LMBR1: variants seen among roughly 807,000 people sequenced by gnomAD.
LMBR1 encodes the protein limb region 1 protein homolog.
In LMBR1, 52 loss-of-function variants were observed where a neutral mutation model predicts 73.9. The observed-to-expected ratio is 0.70, with a 90% CI of 0.56 to 0.89. The LOEUF (loss-of-function observed/expected upper bound fraction) is 0.89, where lower values mean the gene tolerates loss of function less well. LMBR1 is among the 40% of genes least tolerant of loss of function. The pLI is 0.00. For missense variants in LMBR1, 539 were observed against 579.8 expected, an observed-to-expected ratio of 0.93 and a Z score of 0.72; for synonymous variants, 215 against 209.4, an observed-to-expected ratio of 1.03 and a Z score of -0.23.
rs1266507993 is a variant in LMBR1 at position 156,770,545 on chromosome 7, T to C, written c.424-6750A>G. Among the ~76,000 whole-genome samples, 7 of 151,588 alleles carry C rather than the reference T, an allele frequency of 4.6e-5. 1 individual carries two copies. Among genetic ancestry groups the C allele is most frequent in the Admixed American group, 3.3e-4 (5 of 15,206 alleles). Reference sequence around the variant, plus strand: ...ATGAGTTTTATTATGAAAGAAAAAATAAAAATAAAAATGAAGCACTCAACT... The same window carrying C: ...ATGAGTTTTATTATGAAAGAAAAAACAAAAATAAAAATGAAGCACTCAACT... On this transcript the variant is annotated intron_variant, in intron 5 of 16. Transcript: ENST00000353442.
intron 5 of LMBR1, among the ~76,000 whole-genome samples, chr7:156,795,429 T>C (rs1428113640): frequency 2.0e-5 from 3 of 152,248 alleles, no homozygotes; most frequent in African/African-American, 7.2e-5. Context: ...ACTTAAGGAA[T>C]TGGTTAATAA....
At chr7:156,862,402 G>T (rs553312221) in intron 1 of LMBR1, among the ~76,000 whole-genome samples, 1 of 151,992 alleles carries the variant, frequency 6.6e-6, no homozygotes, top group South Asian at 2.1e-4. Context: ...TACAATTCAA[G>T]ATGAGATTTG....
At chr7:156,880,625 G>C (rs1181844057) in intron 1 of LMBR1, among the ~76,000 whole-genome samples, 1 of 152,034 alleles carries the variant, frequency 6.6e-6, no homozygotes, top group Non-Finnish European at 1.5e-5. Flanking sequence ...GCAATTTACA[G>C]ACTCAATGCA....
At chr7:156,854,495 G>T (rs948122389) in intron 1 of LMBR1, among the ~76,000 whole-genome samples, 12 of 152,130 alleles carry the variant, frequency 7.9e-5, no homozygotes, top group Non-Finnish European at 1.5e-4. Flanking sequence ...AAAGGAAAAC[G>T]TAAACATTCT....
intron 7 of LMBR1, 55 bp from the exon 8 acceptor site, chr7:156,762,253 A>G (rs2132906500): frequency 9.2e-7 from 1 of 1,089,774 alleles, no homozygotes; most frequent in Admixed American, 1.8e-5. Flanking sequence ...GCTTGGAGAA[A>G]GAGATAAACA....
intron 9 of LMBR1, among the ~76,000 whole-genome samples, chr7:156,740,221 T>A (rs150128423): frequency 0.011 from 1,622 of 151,628 alleles, 11 homozygotes; most frequent in Middle Eastern, 0.061. Flanking sequence ...GAAAAAAGAA[T>A]CAAAAAGAAT....
At chr7:156,772,646 G>A (rs934318030) in intron 5 of LMBR1, among the ~76,000 whole-genome samples, 1 of 151,992 alleles carries the variant, frequency 6.6e-6, no homozygotes, top group Non-Finnish European at 1.5e-5. Flanking sequence ...TCAGGCATTT[G>A]AGACCAGCCT....
rs988543148 is a variant in LMBR1, at chr7:156,855,014, G to A, written c.67-18129C>T. On this transcript the variant is annotated intron_variant, in intron 1 of 16. Transcript: ENST00000353442. ...TACCTCAATCCCTTTTATCTACATC[G>A]TATCCGGCTTCCCACAAAATACGAA... Among the ~76,000 whole-genome samples, 9 of 152,148 alleles carry A rather than the reference G, an allele frequency of 5.9e-5. No individual in the cohort carries two copies. In the East Asian group the frequency reaches 7.7e-4, roughly 13 times the overall value.
chr7:156,860,238 T>A (rs1322237976), intron 1 of LMBR1, among the ~76,000 whole-genome samples: 1 of 152,210 alleles, frequency 6.6e-6, no homozygotes, highest in African/African-American at 2.4e-5. Context: ...TGGGGAGGCC[T>A]CACAATCATG....
rs568911616 is a variant in LMBR1 at position 156,670,140 on chromosome 7, A to G, written n.867-853T>C. Among the ~76,000 whole-genome samples the G allele has an allele frequency of 1.3e-5, 2 of 152,302 alleles. No homozygotes were observed. The highest frequency in any genetic ancestry group is 4.1e-4 in the South Asian group (2 of 4,820). On this transcript the variant is annotated intron_variant and non_coding_transcript_variant, in intron 4 of 4. Transcript: ENST00000430825. The surrounding 1 kb of genome is among the most constrained non-coding windows in gnomAD (Gnocchi z 4.3). ...CACCAGAATGTCAGTTTTAAGTGCA[A>G]ATATTAGAGCATTTAAGTCATACGT...
At chr7:156,735,293 T>C (rs901524910) in intron 9 of LMBR1, among the ~76,000 whole-genome samples, 2 of 152,204 alleles carry the variant, frequency 1.3e-5, no homozygotes, top group Non-Finnish European at 2.9e-5. Context: ...CACTGGATGT[T>C]ATAACTCTTG....
intron 3 of LMBR1, among the ~76,000 whole-genome samples, chr7:156,830,329 G>T (rs1037599140): frequency 6.6e-6 from 1 of 151,904 alleles, no homozygotes; most frequent in Admixed American, 6.6e-5. Flanking sequence ...TATTTCATGG[G>T]TTAGTATTTC....
intron 9 of LMBR1, among the ~76,000 whole-genome samples, chr7:156,755,362 G>C (rs771235024): frequency 2.0e-5 from 3 of 152,146 alleles, no homozygotes; most frequent in Non-Finnish European, 4.4e-5. Flanking sequence ...GTTTTGTTTT[G>C]ATTAAAGTCA....
chr7:156,790,972 A>G (rs1459491879), intron 5 of LMBR1, among the ~76,000 whole-genome samples: 1 of 152,202 alleles, frequency 6.6e-6, no homozygotes, highest in Non-Finnish European at 1.5e-5. Context: ...TATTTTCAAA[A>G]TAATCATTCT....
intron 15 of LMBR1, among the ~76,000 whole-genome samples, chr7:156,715,726 C>T (rs1203803786): frequency 6.6e-6 from 1 of 152,164 alleles, no homozygotes; most frequent in African/African-American, 2.4e-5. Flanking sequence ...TAAAGAGGTG[C>T]CTTTTTGAGA....
intron 1 of LMBR1, among the ~76,000 whole-genome samples, chr7:156,853,678 C>CA (rs1796551279): frequency 6.6e-6 from 1 of 152,100 alleles, no homozygotes; most frequent in Non-Finnish European, 1.5e-5. Context: ...TTTTTTGAGA[C>CA]AAAGTGTCAT....
At chr7:156,676,903 G>A (rs1804163691), downstream of LMBR1, 1 of 449,794 alleles carries the variant, frequency 2.2e-6, no homozygotes, top group Non-Finnish European at 4.0e-6. Flanking sequence ...AGCAAAAAAT[G>A]AGAGCTTGCT....
intron 1 of LMBR1, among the ~76,000 whole-genome samples, chr7:156,868,367 G>A (rs1266141006): frequency 3.3e-5 from 5 of 151,930 alleles, no homozygotes; most frequent in African/African-American, 1.2e-4. Flanking sequence ...CTAAGGAAAG[G>A]AAACCTTCTA....
chr7:156,767,168 T>C (rs1824247250), intron 5 of LMBR1, among the ~76,000 whole-genome samples: 1 of 152,006 alleles, frequency 6.6e-6, no homozygotes, highest in Non-Finnish European at 1.5e-5. Flanking sequence ...GTAAAAGCCG[T>C]ACAGACCCCC....
Sources: allele counts gnomAD v4.1 joint callset (sites outside exome capture counted in the v4.1 genomes callset), GRCh38; gene constraint gnomAD v4.1.1; non-coding constraint Gnocchi (gnomAD v3.1); transcripts MANE v1.5; gene names NCBI Gene and HGNC (gene_info 2026-07-23, HGNC 2026-07-21).